DOCK4: variants seen among roughly 807,000 people sequenced by gnomAD.
DOCK4 encodes the protein dedicator of cytokinesis 4.
In DOCK4, 97 loss-of-function variants were observed where a neutral mutation model predicts 268.1. The ratio of observed to expected loss-of-function variants is 0.36; its 90% CI spans 0.31 to 0.43. The LOEUF is 0.43. DOCK4 is among the 20% of genes least tolerant of loss of function. DOCK4 has a pLI of 1.00. For missense variants in DOCK4, 2,145 were observed against 2,455.7 expected (o/e 0.87, Z 2.67); for synonymous variants, 954 against 887.2 (o/e 1.08, Z -1.34).
intron 36 of DOCK4, among the ~76,000 whole-genome samples, chr7:111,770,210 G>C (rs1191745256): frequency 6.8e-6 from 1 of 146,146 alleles, no homozygotes; most frequent in African/African-American, 2.5e-5. Context: ...CCAGAGAGGA[G>C]CTGAGTGAAG....
At position 112,045,054 on chromosome 7, in the gene DOCK4, G is replaced by T. The variant is rs777815532; in HGVS notation, c.38-40923C>A. Among the ~76,000 whole-genome samples, 81 of 152,126 alleles carry T rather than the reference G, an allele frequency of 5.3e-4. 1 individual carries two copies. Among genetic ancestry groups the T allele is most frequent in the Non-Finnish European group, 7.6e-4 (52 of 68,014 alleles). On this transcript the variant is annotated intron_variant, in intron 1 of 52. Transcript: ENST00000428084. ...CTTTTCACAGCTAATAAAGCCCCAG[G>T]TGATCTGGTTCCTCAGTCCAGCTAC...
intron 1 of DOCK4, among the ~76,000 whole-genome samples, chr7:112,087,348 C>A (rs965885807): frequency 6.6e-6 from 1 of 152,074 alleles, no homozygotes; most frequent in African/African-American, 2.4e-5. Context: ...TAAGGATTCC[C>A]TGGCCAAACT....
At chr7:112,177,107 GGA>G (rs996564309) in intron 1 of DOCK4, among the ~76,000 whole-genome samples, 17 of 152,148 alleles carry the variant, frequency 1.1e-4, no homozygotes, top group Non-Finnish European at 2.2e-4. Flanking sequence ...AAGTAGTTGG[GGA>G]GAGACATTAG....
chr7:111,872,124 A>AGT, intron 19 of DOCK4, 34 bp from the exon 20 acceptor site: 2 of 1,484,190 alleles, frequency 1.3e-6, no homozygotes, highest in South Asian at 2.6e-5. Context: ...ATAAAACTAA[A>AGT]TGCAAATCAA....
intron 8 of DOCK4, among the ~76,000 whole-genome samples, chr7:111,972,671 C>T (rs1334847488): frequency 1.3e-5 from 2 of 151,820 alleles, no homozygotes; most frequent in African/African-American, 4.8e-5. Flanking sequence ...CTACATTCTA[C>T]CCTTTTTTAC....
At chr7:112,029,576 GAA>G (rs1803102106) in intron 1 of DOCK4, among the ~76,000 whole-genome samples, 1 of 152,186 alleles carries the variant, frequency 6.6e-6, no homozygotes, top group African/African-American at 2.4e-5. Context: ...AGTAACCCTT[GAA>G]CCTCCATGCT....
intron 1 of DOCK4, among the ~76,000 whole-genome samples, chr7:112,023,005 C>T (rs934226871): frequency 6.6e-6 from 1 of 152,150 alleles, no homozygotes; most frequent in Non-Finnish European, 1.5e-5. Context: ...CAACTTCCAC[C>T]TCCAAGGTTC....
At chr7:111,894,715 C>T (rs1392409011) in intron 16 of DOCK4, among the ~76,000 whole-genome samples, 1 of 152,166 alleles carries the variant, frequency 6.6e-6, no homozygotes, top group African/African-American at 2.4e-5. Flanking sequence ...GTGGTTGTAG[C>T]ATCAAGAGGC....
chr7:112,136,743 G>C (rs1038095153), intron 1 of DOCK4, among the ~76,000 whole-genome samples: 1 of 152,054 alleles, frequency 6.6e-6, no homozygotes, highest in African/African-American at 2.4e-5. Flanking sequence ...ATTTAAATTG[G>C]GTCTTGAAGG....
At chr7:111,739,111 T>G (rs1384983580) in intron 49 of DOCK4, 23 bp downstream of exon 49, 1 of 1,585,284 alleles carries the variant, frequency 6.3e-7, no homozygotes, top group South Asian at 1.1e-5. Context: ...TGTTTTCTAG[T>G]TTCTCTACCC....
chr7:111,743,506 G>A (rs559124795), intron 44 of DOCK4, among the ~76,000 whole-genome samples: 1 of 152,266 alleles, frequency 6.6e-6, no homozygotes, highest in East Asian at 1.9e-4. Flanking sequence ...TAAAGGGAGA[G>A]GCTACATCTG....
chr7:111,974,176 G>A (rs1456439187), intron 8 of DOCK4, among the ~76,000 whole-genome samples: 2 of 152,150 alleles, frequency 1.3e-5, no homozygotes, highest in African/African-American at 4.8e-5. Flanking sequence ...TGCAGGGACG[G>A]TGAACTGCCC....
intron 8 of DOCK4, among the ~76,000 whole-genome samples, chr7:111,954,329 A>C (rs1035421718): frequency 1.1e-4 from 16 of 152,274 alleles, no homozygotes; most frequent in Non-Finnish European, 2.2e-4. Flanking sequence ...AGCAGCTGGA[A>C]GGTGTGCTGG....
At chr7:111,936,829 C>A (rs1169923050) in intron 11 of DOCK4, among the ~76,000 whole-genome samples, 1 of 152,078 alleles carries the variant, frequency 6.6e-6, no homozygotes, top group Non-Finnish European at 1.5e-5. Flanking sequence ...TATTTTATTG[C>A]CACAGGATTT....
chr7:112,002,561 A>G (rs1271373255), intron 2 of DOCK4, among the ~76,000 whole-genome samples: 1 of 152,228 alleles, frequency 6.6e-6, no homozygotes, highest in East Asian at 1.9e-4. Context: ...CGATATCACC[A>G]GCATCTAATG....
At chr7:112,197,968 T>C (rs1349341409) in intron 1 of DOCK4, among the ~76,000 whole-genome samples, 4 of 53,242 alleles carry the variant, frequency 7.5e-5, no homozygotes, top group African/African-American at 1.2e-4. Context: ...CTGACCTGCC[T>C]AGAAAAAAAA....
Position 112,157,720 on chromosome 7 carries a change from G to C in DOCK4, c.37+48382C>G, listed in dbSNP as rs926431415. ...ATTTGGGTGTCCTGGTATAATCAAGGAAGTGTGGCATGACTTCCGCTAAGG... is the reference window on the plus strand; with the variant it reads ...ATTTGGGTGTCCTGGTATAATCAAGCAAGTGTGGCATGACTTCCGCTAAGG... On this transcript the variant is annotated intron_variant, in intron 1 of 52. Transcript: ENST00000428084. Among the ~76,000 whole-genome samples, 3 of 152,132 alleles carry C rather than the reference G, an allele frequency of 2.0e-5. No individual in the cohort carries two copies. The East Asian group carries it at 5.8e-4, about 29-fold the overall frequency.
intron 1 of DOCK4, among the ~76,000 whole-genome samples, chr7:112,084,409 T>C (rs1189952452): frequency 6.6e-6 from 1 of 152,198 alleles, no homozygotes; most frequent in Non-Finnish European, 1.5e-5. Flanking sequence ...ATTTCATTTA[T>C]ACAGAGAGCA....
chr7:111,760,601 A>AAAG (rs1432690519), intron 39 of DOCK4, among the ~76,000 whole-genome samples: 1 of 152,242 alleles, frequency 6.6e-6, no homozygotes, highest in Non-Finnish European at 1.5e-5. Flanking sequence ...TCAGAGCACC[A>AAAG]AAGTATGAAA....
Sources: allele counts gnomAD v4.1 joint callset (sites outside exome capture counted in the v4.1 genomes callset), GRCh38; gene constraint gnomAD v4.1.1; transcripts MANE v1.5; gene names NCBI Gene and HGNC (gene_info 2026-07-23, HGNC 2026-07-21).